Variants in SRD5A3 observed in about 807,000 individuals in gnomAD.
The protein encoded by SRD5A3 is polyprenal reductase.
SRD5A3 carries 24 observed loss-of-function variants against 34.3 expected under a neutral mutation model. The observed-to-expected ratio is 0.70, with a 90% CI of 0.51 to 0.99. The LOEUF is 0.99. Ranked by LOEUF, SRD5A3 falls within the 50% of genes least tolerant of loss-of-function variation. SRD5A3 has a pLI of 0.00. For missense variants in SRD5A3, 350 were observed against 388.2 expected, an observed-to-expected ratio of 0.90 and a Z score of 0.83; for synonymous variants, 161 against 167.3, an observed-to-expected ratio of 0.96 and a Z score of 0.29.
At position 55,369,926 on chromosome 4, in the gene SRD5A3, T is replaced by C; in HGVS notation, c.792T>C (p.Val264=). Residue 264 remains valine (V), a synonymous_variant, in exon 5 of 5, where the codon GTT becomes GTC. Transcript: ENST00000264228. ...ACTTAGCAGAGCTGATGATCTACGT[T>C]TCCATGGCCGTCACCTTTGGGTTCC... The part of the protein sequence containing the change: ...PNYLAELMIY[V]SMAVTFGFHN... The C allele has an allele frequency of 6.2e-7, 1 of 1,614,176 alleles. No homozygotes were observed. Among genetic ancestry groups the C allele is most frequent in the Non-Finnish European group, 8.5e-7 (1 of 1,180,032 alleles).
rs979716129 is a variant in SRD5A3 at position 55,352,443 on chromosome 4, T to G, written c.221+5886T>G. 1.5e-5 allele frequency: 11 copies of G among 725,844 alleles called. No homozygotes were observed. The African/African-American group carries it at 1.9e-4, about 13-fold the overall frequency. 45.0% of individuals were successfully genotyped at this position (725,844 alleles called of 1,614,324 possible). On this transcript the variant is annotated intron_variant, in intron 1 of 4. Coordinates refer to ENST00000264228, the MANE Select transcript of SRD5A3 (RefSeq NM_024592.5). ...ACACTCCTGTGCTTGTATAATATTT[T>G]CAGAAGGGCTGTAGCCTTCACGAAA...
chr4:55,372,257 A>G lies in SRD5A3; in HGVS notation c.*2166A>G, dbSNP rs1720156801. 6.6e-6 allele frequency: 1 copy of G among 152,050 alleles called. No individual in the cohort carries two copies. The highest frequency in any genetic ancestry group is 1.9e-4 in the East Asian group (1 of 5,190). The allele number at this position is 152,050 out of a possible 1,614,324, so 9.4% of individuals were successfully genotyped here. A position where few individuals can be genotyped will look rare whatever the true frequency, so the allele number is the denominator to read the frequency against. ...ATTTTATGCCCAGGTTAGACTAGAGATTTGGCTGATGTTCTGGAATCTCAT... is the reference window on the plus strand; with the variant it reads ...ATTTTATGCCCAGGTTAGACTAGAGGTTTGGCTGATGTTCTGGAATCTCAT... On this transcript the variant is annotated 3_prime_UTR_variant, in exon 5 of 5. Transcript: ENST00000264228.
At chr4:55,369,808 T>C (rs781082784) in intron 4 of SRD5A3, 24 bp from the exon 5 acceptor site, 2 of 1,608,214 alleles carry the variant, frequency 1.2e-6, no homozygotes, top group Non-Finnish European at 8.5e-7. Flanking sequence ...TAAATGCTTA[T>C]GAGATCTTCT....
intron 2 of SRD5A3, among the ~76,000 whole-genome samples, chr4:55,362,488 T>A (rs1719721924): frequency 6.6e-6 from 1 of 152,130 alleles, no homozygotes; most frequent in South Asian, 2.1e-4. Context: ...AGGGTCTCAC[T>A]CTGTTGTACA....
chr4:55,353,572 C>T (rs906697302), intron 1 of SRD5A3, among the ~76,000 whole-genome samples: 11 of 152,342 alleles, frequency 7.2e-5, no homozygotes, highest in African/African-American at 2.2e-4. Context: ...TATTCTTTTG[C>T]TCTTCACGGT....
At chr4:55,358,555 A>AG (rs58619572) in intron 1 of SRD5A3, among the ~76,000 whole-genome samples, 35,498 of 109,950 alleles carry the variant, frequency 0.32, 5,999 homozygotes, top group Middle Eastern at 0.39. Context: ...AAAAAAAAAA[A>AG]AAGAAGAAGA....
intron 1 of SRD5A3, among the ~76,000 whole-genome samples, chr4:55,353,333 G>C (rs1452442210): frequency 6.6e-6 from 1 of 152,128 alleles, no homozygotes; most frequent in African/African-American, 2.4e-5. Context: ...ATAGTACTCT[G>C]TAAAAATGCA....
intron 2 of SRD5A3, among the ~76,000 whole-genome samples, chr4:55,361,123 A>G (rs1284047087): frequency 6.6e-6 from 1 of 152,156 alleles, no homozygotes; most frequent in Non-Finnish European, 1.5e-5. Context: ...CCAGTGGCCA[A>G]ACCACCTAGA....
intron 1 of SRD5A3, among the ~76,000 whole-genome samples, chr4:55,347,446 T>C (rs964869406): frequency 2.6e-5 from 4 of 152,076 alleles, no homozygotes; most frequent in South Asian, 2.1e-4. Context: ...CTGGGAAATA[T>C]AGTGAGACTC....
intron 1 of SRD5A3, among the ~76,000 whole-genome samples, chr4:55,349,465 C>T (rs928051192): frequency 6.6e-6 from 1 of 151,748 alleles, no homozygotes; most frequent in Admixed American, 6.6e-5. Context: ...TTTTTCTTTC[C>T]TACGGAGGCA....
chr4:55,346,673 G>A, intron 1 of SRD5A3, 116 bp downstream of exon 1: 2 of 1,021,310 alleles, frequency 2.0e-6, no homozygotes, highest in Non-Finnish European at 1.3e-6. Flanking sequence ...GGGAGGCCCT[G>A]GCGGGTTCCC....
intron 1 of SRD5A3, chr4:55,351,720 C>T: frequency 2.5e-6 from 1 of 407,746 alleles, no homozygotes; most frequent in Non-Finnish European, 4.8e-6. Context: ...AATAGGTCAA[C>T]AGAATAATAA....
intron 1 of SRD5A3, among the ~76,000 whole-genome samples, chr4:55,348,419 C>T (rs1719074283): frequency 6.6e-6 from 1 of 152,032 alleles, no homozygotes; most frequent in Non-Finnish European, 1.5e-5. Flanking sequence ...AATTTTATAC[C>T]CCTGTTTATA....
At position 55,370,156 on chromosome 4, in the gene SRD5A3, T is replaced by G; in HGVS notation, c.*65T>G. The stretch of plus-strand genomic sequence containing the variant: ...TTCAATGCCTAAGGACAGTGAAGTC[T>G]GGAGCCCAAAGTACAGTTTCAGCAA... On this transcript the variant is annotated 3_prime_UTR_variant, in exon 5 of 5. Coordinates refer to ENST00000264228, the MANE Select transcript of SRD5A3 (RefSeq NM_024592.5). The G allele has an allele frequency of 1.9e-6, 3 of 1,600,680 alleles. No homozygotes were observed.
At chr4:55,355,755 A>C (rs1719432166) in intron 1 of SRD5A3, among the ~76,000 whole-genome samples, 1 of 152,206 alleles carries the variant, frequency 6.6e-6, no homozygotes, top group African/African-American at 2.4e-5. Context: ...GCTGTCACTT[A>C]CTGTGTGACA....
Position 55,369,874 on chromosome 4 carries a change from G to T in SRD5A3, c.740G>T (p.Trp247Leu), listed in dbSNP as rs1720055606. ...HCNHRIPFGD[W>L]FEYVSSPNYL... is the part of the protein sequence containing the mutation. Reference sequence around the variant, plus strand: ...AACCACAGGATCCCATTTGGAGACTGGTTTGAATATGTTTCTTCCCCTAAC... The same window carrying T: ...AACCACAGGATCCCATTTGGAGACTTGTTTGAATATGTTTCTTCCCCTAAC... The change falls in exon 5 of 5, where the codon TGG becomes TTG. Residue 247 changes from tryptophan to leucine, a missense_variant. By Grantham distance (61) the Trp-to-Leu change is moderately conservative. This residue lies in a region of SRD5A3 where 186 missense variants were observed against 221.4 expected (regional missense o/e 0.84). Transcript: ENST00000264228. 6.2e-7 allele frequency: 1 copy of T among 1,614,034 alleles called. No homozygotes were observed. The highest frequency in any genetic ancestry group is 1.3e-5 in the African/African-American group (1 of 74,916).
rs1261320860 is a variant in SRD5A3 at position 55,371,073 on chromosome 4, A to AT, written c.*989dup. ...CACTTTGAAAGCTCTTTTATTTAATATTTTTTTACATCCTTTGAAGGGAGT... is the reference window on the plus strand; with the variant it reads ...CACTTTGAAAGCTCTTTTATTTAATATTTTTTTTACATCCTTTGAAGGGAGT... On this transcript the variant is annotated 3_prime_UTR_variant, in exon 5 of 5. Coordinates refer to ENST00000264228, the MANE Select transcript of SRD5A3 (RefSeq NM_024592.5). 1 of 152,120 alleles carries AT rather than the reference A, an allele frequency of 6.6e-6. No homozygotes were observed. Among genetic ancestry groups the AT allele is most frequent in the African/African-American group, 2.4e-5 (1 of 41,416 alleles). The allele number at this position is 152,120 out of a possible 1,614,324, so 9.4% of individuals were successfully genotyped here.
At chr4:55,354,834 G>A (rs1175327404) in intron 1 of SRD5A3, among the ~76,000 whole-genome samples, 3 of 152,216 alleles carry the variant, frequency 2.0e-5, no homozygotes, top group East Asian at 3.8e-4. Flanking sequence ...GTGCGTGCGC[G>A]CGTACGCATG....
intron 1 of SRD5A3, chr4:55,352,163 G>A (rs1719218218): frequency 2.3e-6 from 2 of 877,268 alleles, no homozygotes; most frequent in Non-Finnish European, 2.0e-6. Context: ...GTCTGGTTTG[G>A]CTTTTATGGA....
Sources: gnomAD v4.1 joint callset for allele counts (sites outside exome capture counted in the v4.1 genomes callset) on GRCh38, gnomAD v4.1.1 for gene constraint, gnomAD v4.1.1 regional missense constraint, MANE v1.5 for transcripts, NCBI Gene and HGNC (gene_info 2026-07-23, HGNC 2026-07-21) for gene names.